The following TBC1D4 variants were observed in gnomAD, a reference collection of about 807,000 sequenced individuals.
The protein encoded by TBC1D4 is TBC1 domain family member 4.
TBC1D4 carries 121 observed loss-of-function variants against 142.5 expected under a neutral mutation model. The observed-to-expected ratio is 0.85, with a 90% CI of 0.73 to 0.99. The LOEUF (loss-of-function observed/expected upper bound fraction) is 0.99, where lower values mean the gene tolerates loss of function less well. Ranked by LOEUF, TBC1D4 falls within the 50% of genes least tolerant of loss-of-function variation. The pLI is 0.00. For missense variants in TBC1D4, 1,475 were observed against 1,606.6 expected (o/e 0.92, Z 1.40); for synonymous variants, 630 against 628.2 (o/e 1.00, Z -0.04).
chr13:75,388,978 T>C (rs1368827831), intron 1 of TBC1D4, among the ~76,000 whole-genome samples: 1 of 152,248 alleles, frequency 6.6e-6, no homozygotes, highest in Non-Finnish European at 1.5e-5. Flanking sequence ...CTAACTTTAG[T>C]TTTTTGTGCA....
chr13:75,321,163 A>G (rs1487980041), intron 11 of TBC1D4, among the ~76,000 whole-genome samples: 2 of 152,148 alleles, frequency 1.3e-5, no homozygotes, highest in African/African-American at 4.8e-5. Context: ...TTCAACTGAC[A>G]AGAAAATTAT....
intron 1 of TBC1D4, among the ~76,000 whole-genome samples, chr13:75,467,098 G>C (rs367883520): frequency 2.6e-5 from 4 of 152,090 alleles, no homozygotes; most frequent in Admixed American, 1.3e-4. Flanking sequence ...CTAAGTAAAC[G>C]GGGTAATATA....
intron 3 of TBC1D4, 80 bp downstream of exon 3, chr13:75,359,689 G>C (rs1222628829): frequency 9.0e-7 from 1 of 1,106,700 alleles, no homozygotes; most frequent in African/African-American, 1.6e-5. Flanking sequence ...AATTTGAAGG[G>C]GGTCAAGCCC....
intron 20 of TBC1D4, among the ~76,000 whole-genome samples, chr13:75,287,865 G>A (rs1874857873): frequency 6.6e-6 from 1 of 151,992 alleles, no homozygotes; most frequent in South Asian, 2.1e-4. Flanking sequence ...TGCAGTGTTG[G>A]GGAAATGGAG....
chr13:75,341,264 T>C (rs1880677148), intron 6 of TBC1D4, 29 bp from the exon 7 acceptor site: 5 of 1,573,998 alleles, frequency 3.2e-6, no homozygotes. Flanking sequence ...AAAAGAACAC[T>C]ATGGCAACAC....
intron 1 of TBC1D4, among the ~76,000 whole-genome samples, chr13:75,380,601 C>T (rs1252773424): frequency 1.3e-5 from 2 of 151,750 alleles, no homozygotes; most frequent in African/African-American, 4.8e-5. Flanking sequence ...TCCCTATTTC[C>T]TTCATTTCAC....
chr13:75,432,180 A>G lies in TBC1D4; in HGVS notation c.498+49090T>C, dbSNP rs989999626. The stretch of plus-strand genomic sequence containing the variant: ...CAGACAAATCAAACTAGAGCCTTCC[A>G]GCTCCATGACTGGAGAGAATGGTAT... On this transcript the variant is annotated intron_variant, in intron 1 of 20. Transcript: ENST00000377636. Among the ~76,000 whole-genome samples the G allele has an allele frequency of 2.6e-5, 4 of 152,180 alleles. No homozygotes were observed. In the East Asian group the frequency reaches 7.7e-4, roughly 29 times the overall value.
chr13:75,290,006 C>T (rs373144698), intron 19 of TBC1D4, among the ~76,000 whole-genome samples: 1 of 152,128 alleles, frequency 6.6e-6, no homozygotes, highest in African/African-American at 2.4e-5. Context: ...AAATAACCAT[C>T]ATCTTTTCCT....
At chr13:75,315,881 T>A (rs1342931457) in intron 12 of TBC1D4, among the ~76,000 whole-genome samples, 1 of 152,188 alleles carries the variant, frequency 6.6e-6, no homozygotes, top group African/African-American at 2.4e-5. Context: ...GTATTGACCA[T>A]GACAATGTTG....
chr13:75,455,507 T>A (rs973152717), intron 1 of TBC1D4, among the ~76,000 whole-genome samples: 2 of 152,186 alleles, frequency 1.3e-5, no homozygotes, highest in African/African-American at 4.8e-5. Context: ...CCTGGGAGAC[T>A]GAGGCAGGAG....
intron 1 of TBC1D4, among the ~76,000 whole-genome samples, chr13:75,461,948 A>C (rs1209567846): frequency 6.6e-6 from 1 of 152,200 alleles, no homozygotes; most frequent in African/African-American, 2.4e-5. Context: ...TTTATCTGTT[A>C]TGCTGAAATC....
intron 19 of TBC1D4, among the ~76,000 whole-genome samples, chr13:75,290,154 T>C (rs902628879): frequency 6.6e-5 from 10 of 152,128 alleles, no homozygotes; most frequent in African/African-American, 2.4e-4. Flanking sequence ...TATAGTATGA[T>C]TTCATTTATG....
intron 12 of TBC1D4, 43 bp downstream of exon 12, chr13:75,319,971 C>A: frequency 6.2e-7 from 1 of 1,602,088 alleles, no homozygotes; most frequent in South Asian, 1.1e-5. Flanking sequence ...TTGGAAGAAT[C>A]TGTGAATTTT....
Position 75,299,443 on chromosome 13 carries a change from C to A in TBC1D4, c.3043G>T (p.Ala1015Ser), listed in dbSNP as rs1394126051. Reference sequence around the variant, plus strand: ...CTCATGTGCAGAAGCAGGACTCCAGCCACAAAGCTGATCCCCTGACAGTAT... The same window carrying A: ...CTCATGTGCAGAAGCAGGACTCCAGACACAAAGCTGATCCCCTGACAGTAT... ...VGYCQGISFV[A>S]GVLLLHMSEE... The change falls in exon 17 of 21, where the codon GCT becomes TCT. Residue 1015 changes from alanine (A) to serine (S), a missense_variant. Around this residue, in one of 2 missense-constraint regions of TBC1D4, gnomAD observed 248 missense variants for 338.9 expected, o/e 0.73. Transcript: ENST00000377636. 1 of 1,614,038 alleles carries A rather than the reference C, an allele frequency of 6.2e-7. No individual in the cohort carries two copies. Among genetic ancestry groups the A allele is most frequent in the African/African-American group, 1.3e-5 (1 of 74,902 alleles).
chr13:75,363,626 C>A (rs542390875), intron 1 of TBC1D4, among the ~76,000 whole-genome samples: 2 of 150,880 alleles, frequency 1.3e-5, no homozygotes, highest in Admixed American at 1.3e-4. Flanking sequence ...TGACTGATGT[C>A]TCATGTCTGC....
At chr13:75,340,539 A>C (rs542682572) in intron 7 of TBC1D4, among the ~76,000 whole-genome samples, 1 of 152,244 alleles carries the variant, frequency 6.6e-6, no homozygotes, top group Non-Finnish European at 1.5e-5. Flanking sequence ...ATGTATGTTC[A>C]TTCTAAATCA....
intron 1 of TBC1D4, among the ~76,000 whole-genome samples, chr13:75,435,352 G>A (rs9543927): frequency 0.42 from 61,385 of 147,258 alleles, 17,599 homozygotes; most frequent in African/African-American, 0.82. Flanking sequence ...ACATAATTAC[G>A]ACTAAAAAAA....
chr13:75,442,478 G>A (rs1026518121), intron 1 of TBC1D4, among the ~76,000 whole-genome samples: 2 of 152,052 alleles, frequency 1.3e-5, no homozygotes, highest in African/African-American at 4.8e-5. Context: ...GAATCATATA[G>A]TCTAAAACTA....
intron 1 of TBC1D4, among the ~76,000 whole-genome samples, chr13:75,450,692 T>A (rs1026198255): frequency 6.6e-6 from 1 of 152,188 alleles, no homozygotes; most frequent in African/African-American, 2.4e-5. Flanking sequence ...GCATGATTAA[T>A]TGAGTCATTA....
Sources: gnomAD v4.1 joint callset for allele counts (sites outside exome capture counted in the v4.1 genomes callset) on GRCh38, gnomAD v4.1.1 for gene constraint, gnomAD v4.1.1 regional missense constraint, MANE v1.5 for transcripts, NCBI Gene and HGNC (gene_info 2026-07-23, HGNC 2026-07-21) for gene names.